Variants in ARL17A observed in about 807,000 individuals in gnomAD.
ARL17A encodes the protein ADP-ribosylation factor-like 17-like.
At chr17:46,575,663 G>A (rs1407677807) in intron 2 of ARL17A, among the ~76,000 whole-genome samples, 7 of 87,222 alleles carry the variant, frequency 8.0e-5, no homozygotes, top group Non-Finnish European at 1.7e-4. Context: ...GTGAACCTAA[G>A]AATGTGCAAG....
the ARL17A span, among the ~76,000 whole-genome samples, chr17:46,501,175 C>A: frequency 4.0e-5 from 6 of 151,134 alleles, no homozygotes; most frequent in Admixed American, 3.9e-4. Context: ...AGCCACCATG[C>A]CCAGCTATAT....
chr17:46,551,146 T>C (rs2056767091), downstream of ARL17A, among the ~76,000 whole-genome samples: 2 of 149,724 alleles, frequency 1.3e-5, 1 homozygote, highest in African/African-American at 5.1e-5. Flanking sequence ...TCACCATTTC[T>C]TGGACACCAT....
chr17:46,569,233 C>T (rs1237235812), intron 3 of ARL17A, among the ~76,000 whole-genome samples: 1 of 151,556 alleles, frequency 6.6e-6, no homozygotes, highest in Non-Finnish European at 1.5e-5. Flanking sequence ...CAGGTGTAAG[C>T]CACCACACTC....
At chr17:46,540,073 T>G in intron 3 of ARL17A, 1 of 1,287,648 alleles carries the variant, frequency 7.8e-7, no homozygotes, top group East Asian at 2.6e-5. Flanking sequence ...AACATTTTTT[T>G]CTTTTTTACC....
chr17:46,551,368 T>G (rs2056799399), downstream of ARL17A, among the ~76,000 whole-genome samples: 1 of 150,640 alleles, frequency 6.6e-6, no homozygotes, highest in African/African-American at 2.5e-5. Flanking sequence ...ACCTTGACGC[T>G]ATGCCACCAG....
chr17:46,545,429 G>A (rs2056145598), intron 3 of ARL17A, among the ~76,000 whole-genome samples: 1 of 105,122 alleles, frequency 9.5e-6, no homozygotes, highest in Non-Finnish European at 1.7e-5. Flanking sequence ...TTCAGCCTGG[G>A]TGACAAAATA....
At chr17:46,502,911 G>A in the ARL17A span, among the ~76,000 whole-genome samples, 4 of 150,668 alleles carry the variant, frequency 2.7e-5, no homozygotes, top group South Asian at 6.2e-4. Context: ...AGCACTCAAC[G>A]TTTAAAAATT....
downstream of ARL17A, chr17:46,548,743 G>C (rs199829673): frequency 4.3e-6 from 7 of 1,610,596 alleles, no homozygotes; most frequent in South Asian, 6.6e-5. Flanking sequence ...GAACGCTGCC[G>C]AAGAAAAAAG....
At chr17:46,501,236 T>C in the ARL17A span, among the ~76,000 whole-genome samples, 18 of 151,062 alleles carry the variant, frequency 1.2e-4, no homozygotes, top group Admixed American at 2.6e-4. Flanking sequence ...AGGGCAGTGG[T>C]GCGATCTTGG....
At chr17:46,503,068 C>T in the ARL17A span, among the ~76,000 whole-genome samples, 53 of 150,730 alleles carry the variant, frequency 3.5e-4, 1 homozygote, top group East Asian at 9.7e-4. Context: ...GAAAATTAGC[C>T]GGCAGTGGTG....
chr17:46,543,513 A>C (rs1331280060), intron 3 of ARL17A, among the ~76,000 whole-genome samples: 1 of 150,958 alleles, frequency 6.6e-6, no homozygotes, highest in Non-Finnish European at 1.5e-5. Flanking sequence ...CATAGTAGAC[A>C]ATGATAATAT....
downstream of ARL17A, among the ~76,000 whole-genome samples, chr17:46,551,778 TA>T (rs1598550408): frequency 7.8e-6 from 1 of 128,276 alleles, no homozygotes; most frequent in East Asian, 2.3e-4. Context: ...GGCCCTGTCT[TA>T]AAAACAGCCA....
intron 4 of ARL17A, among the ~76,000 whole-genome samples, chr17:46,534,248 G>A (rs1309741796): frequency 1.4e-5 from 2 of 145,666 alleles, no homozygotes; most frequent in Admixed American, 6.7e-5. Context: ...CTCGCAGAGG[G>A]GGATTTGGCA....
chr17:46,525,587 A>AAAG (rs1555641433), downstream of ARL17A, among the ~76,000 whole-genome samples: 147 of 66,714 alleles, frequency 2.2e-3, 8 homozygotes, highest in African/African-American at 7.5e-3. Flanking sequence ...ACTCTGTCTC[A>AAAG]AATAATAATA....
At chr17:46,501,203 G>A in the ARL17A span, among the ~76,000 whole-genome samples, 6 of 151,158 alleles carry the variant, frequency 4.0e-5, no homozygotes, top group East Asian at 1.9e-4. Flanking sequence ...TTTTTGAGAC[G>A]GAGTCTCTGT....
intron 3 of ARL17A, among the ~76,000 whole-genome samples, chr17:46,569,288 T>A (rs915114736): frequency 6.7e-6 from 1 of 150,162 alleles, no homozygotes; most frequent in South Asian, 2.1e-4. Flanking sequence ...GAATAAGGAC[T>A]AGGTGCTAGA....
At chr17:46,558,764 T>C (rs2057432849) in intron 3 of ARL17A, 1 of 136,572 alleles carries the variant, frequency 7.3e-6, no homozygotes, top group Non-Finnish European at 1.6e-5. Context: ...TTTAAATGAC[T>C]GATCCTCGAT....
the ARL17A span, among the ~76,000 whole-genome samples, chr17:46,502,720 G>T: frequency 1.2e-4 from 18 of 151,290 alleles, 3 homozygotes; most frequent in African/African-American, 4.4e-4. Context: ...ACCTGTGAGG[G>T]TTTTTTGTTT....
At chr17:46,558,836 C>CTTTTTTTTTTT (rs765462293) in intron 3 of ARL17A, 3 of 71,840 alleles carry the variant, frequency 4.2e-5, no homozygotes, top group African/African-American at 1.3e-4. Flanking sequence ...CTCTTTTATT[C>CTTTTTTTTTTT]TTTTTTTTTT....
Sources: gnomAD v4.1 joint callset for allele counts (sites outside exome capture counted in the v4.1 genomes callset) on GRCh38, gnomAD v4.1.1 for gene constraint, MANE v1.5 for transcripts, NCBI Gene and HGNC (gene_info 2026-07-23, HGNC 2026-07-21) for gene names.